CC2D2A: variants seen among roughly 807,000 people sequenced by gnomAD.
CC2D2A encodes the protein coiled-coil and C2 domain containing 2A.
In CC2D2A, 155 loss-of-function variants were observed where a neutral mutation model predicts 212.9. The ratio of observed to expected loss-of-function variants is 0.73; its 90% CI spans 0.64 to 0.83. The LOEUF (loss-of-function observed/expected upper bound fraction) is 0.83, where lower values mean the gene tolerates loss of function less well. Ranked by LOEUF, CC2D2A falls within the 40% of genes least tolerant of loss-of-function variation. The pLI is 0.00. For synonymous variants in CC2D2A, 667 were observed against 686.5 expected, an observed-to-expected ratio of 0.97 and a Z score of 0.44; for missense variants, 1,856 against 1,956.2, an observed-to-expected ratio of 0.95 and a Z score of 0.97.
At position 15,516,136 on chromosome 4, in the gene CC2D2A, T is replaced by G. The variant is rs919559035; in HGVS notation, c.1017+132T>G. 2.4e-5 allele frequency: 22 copies of G among 921,268 alleles called. No homozygotes were observed. The East Asian group carries it at 4.2e-4, about 17-fold the overall frequency. The allele number at this position is 921,268 out of a possible 1,614,324, so 57.1% of individuals were successfully genotyped here. ...GGTTATCCACAGAAAGTGGTTCATTTTTTTTTTTTTAACTTTCTCTCTCAG... is the reference window on the plus strand; with the variant it reads ...GGTTATCCACAGAAAGTGGTTCATTGTTTTTTTTTTAACTTTCTCTCTCAG... On this transcript the variant is annotated intron_variant, in intron 10 of 36. Coordinates refer to ENST00000424120, the MANE Select transcript of CC2D2A (RefSeq NM_001378615.1).
At chr4:15,500,836 A>T (rs1432366589) in intron 4 of CC2D2A, among the ~76,000 whole-genome samples, 1 of 152,086 alleles carries the variant, frequency 6.6e-6, no homozygotes, top group Non-Finnish European at 1.5e-5. Flanking sequence ...ATTGTCTACA[A>T]GCGTGAGGAT....
intron 27 of CC2D2A, 108 bp from the exon 28 acceptor site, chr4:15,570,290 A>G (rs2109073754): frequency 7.8e-6 from 5 of 639,964 alleles, no homozygotes; most frequent in South Asian, 2.2e-5. Context: ...TCTATCTAAT[A>G]TAAGTTCATA....
chr4:15,520,021 T>C (rs771788896), intron 11 of CC2D2A, among the ~76,000 whole-genome samples: 2 of 152,180 alleles, frequency 1.3e-5, no homozygotes, highest in Non-Finnish European at 2.9e-5. Flanking sequence ...AGAGGAATGA[T>C]GAATAGAGAA....
intron 24 of CC2D2A, chr4:15,563,779 G>A (rs1577379808): frequency 4.7e-6 from 2 of 428,732 alleles, no homozygotes; most frequent in Non-Finnish European, 4.2e-6. Context: ...GGAGACTGCA[G>A]GGATAAGATA....
At chr4:15,573,027 T>C (rs1054023419) in intron 28 of CC2D2A, among the ~76,000 whole-genome samples, 1 of 152,178 alleles carries the variant, frequency 6.6e-6, no homozygotes, top group African/African-American at 2.4e-5. Context: ...CTAGCCATGC[T>C]GGCAGCTGAT....
At position 15,598,977 on chromosome 4, in the gene CC2D2A, T is replaced by C. The variant is rs916259428; in HGVS notation, c.4497-552T>C. 4.0e-5 allele frequency among the ~76,000 whole-genome samples: 6 copies of C among 151,412 alleles called. No homozygotes were observed. The South Asian group carries it at 8.4e-4, about 21-fold the overall frequency. On this transcript the variant is annotated intron_variant, in intron 35 of 36. Transcript: ENST00000424120. ...GAATTTGAGACCAGCCTGGGCAACA[T>C]AGCAAGACCTTGTCTCTATAAAAAA...
chr4:15,593,474 G>A (rs957348812), intron 33 of CC2D2A, among the ~76,000 whole-genome samples: 2 of 152,074 alleles, frequency 1.3e-5, no homozygotes, highest in Non-Finnish European at 2.9e-5. Flanking sequence ...CATATATGCC[G>A]ATGATTCCCA....
intron 11 of CC2D2A, among the ~76,000 whole-genome samples, chr4:15,526,099 T>G (rs1717496547): frequency 6.6e-6 from 1 of 152,204 alleles, no homozygotes; most frequent in Admixed American, 6.5e-5. Context: ...TGGGCTGGGC[T>G]TCCTACCTCC....
At chr4:15,510,051 T>C (rs1716478894) in intron 6 of CC2D2A, 88 bp from the exon 7 acceptor site, 1 of 957,300 alleles carries the variant, frequency 1.0e-6, no homozygotes, top group African/African-American at 1.7e-5. Flanking sequence ...AGATAAGCCT[T>C]TGGGATGGGG....
chr4:15,480,978 G>A, intron 4 of CC2D2A, 151 bp downstream of exon 4: 1 of 388,344 alleles, frequency 2.6e-6, no homozygotes, highest in Non-Finnish European at 3.5e-6. Context: ...AGTGACTCTA[G>A]GTTAATCCCT....
intron 10 of CC2D2A, 45 bp from the exon 11 acceptor site, chr4:15,516,580 T>C (rs1323901521): frequency 6.3e-7 from 1 of 1,579,490 alleles, no homozygotes; most frequent in Non-Finnish European, 8.6e-7. Context: ...CCATTTTCTG[T>C]TCGATTAGAA....
intron 6 of CC2D2A, among the ~76,000 whole-genome samples, chr4:15,507,879 A>T (rs1428402426): frequency 6.6e-6 from 1 of 152,218 alleles, no homozygotes; most frequent in Non-Finnish European, 1.5e-5. Context: ...ATATGGGTAC[A>T]GTTAATGAAC....
intron 33 of CC2D2A, among the ~76,000 whole-genome samples, chr4:15,592,215 C>T (rs1721137487): frequency 6.6e-6 from 1 of 152,190 alleles, no homozygotes; most frequent in Non-Finnish European, 1.5e-5. Flanking sequence ...TCTCTCTCCT[C>T]CTCTATCTAT....
chr4:15,473,851 C>T (rs1713997787), intron 1 of CC2D2A, among the ~76,000 whole-genome samples: 1 of 152,144 alleles, frequency 6.6e-6, no homozygotes, highest in South Asian at 2.1e-4. Flanking sequence ...AGAACAACTG[C>T]AAGGTTTCTG....
At chr4:15,583,777 G>T (rs889712231) in intron 30 of CC2D2A, among the ~76,000 whole-genome samples, 2 of 151,792 alleles carry the variant, frequency 1.3e-5, no homozygotes, top group African/African-American at 2.4e-5. Flanking sequence ...GTGTAACCCC[G>T]TCTCTACTAA....
intron 30 of CC2D2A, among the ~76,000 whole-genome samples, chr4:15,581,811 A>G (rs997009742): frequency 1.3e-5 from 2 of 152,236 alleles, no homozygotes; most frequent in African/African-American, 4.8e-5. Context: ...ATGCCCCTAG[A>G]TCCCTGTTGA....
intron 11 of CC2D2A, among the ~76,000 whole-genome samples, chr4:15,527,123 C>T (rs1717549013): frequency 6.6e-6 from 1 of 152,148 alleles, no homozygotes; most frequent in East Asian, 1.9e-4. Flanking sequence ...TCACCAGCTA[C>T]AAAACCCAAG....
At chr4:15,543,079 G>A (rs930303580) in intron 17 of CC2D2A, among the ~76,000 whole-genome samples, 1 of 152,114 alleles carries the variant, frequency 6.6e-6, no homozygotes. Context: ...GCCTGTGGCA[G>A]TTCTGTCCTG....
chr4:15,594,673 T>C (rs1721240496), intron 33 of CC2D2A, among the ~76,000 whole-genome samples: 1 of 152,132 alleles, frequency 6.6e-6, no homozygotes, highest in Non-Finnish European at 1.5e-5. Flanking sequence ...TTTTTTCTCT[T>C]TTAGTGGGAG....
Sources: allele counts gnomAD v4.1 joint callset (sites outside exome capture counted in the v4.1 genomes callset), GRCh38; gene constraint gnomAD v4.1.1; transcripts MANE v1.5; gene names NCBI Gene and HGNC (gene_info 2026-07-23, HGNC 2026-07-21).